Variants in SLC6A11 observed in about 807,000 individuals in gnomAD.
The protein encoded by SLC6A11 is solute carrier family 6 member 11.
In SLC6A11, 25 loss-of-function variants were observed where a neutral mutation model predicts 74.8. That is an observed-to-expected ratio of 0.33 (90% CI 0.24 to 0.47). The LOEUF (loss-of-function observed/expected upper bound fraction) is 0.47. Ranked by LOEUF, SLC6A11 falls within the 20% of genes least tolerant of loss-of-function variation. SLC6A11 has a pLI of 1.00. For missense variants in SLC6A11, 574 were observed against 837.0 expected, an observed-to-expected ratio of 0.69 and a Z score of 3.88; for synonymous variants, 330 against 330.2, an observed-to-expected ratio of 1.00 and a Z score of 0.01.
intron 5 of SLC6A11, among the ~76,000 whole-genome samples, chr3:10,872,155 G>A (rs989466135): frequency 3.3e-5 from 5 of 152,198 alleles, no homozygotes; most frequent in African/African-American, 1.2e-4. Flanking sequence ...GGTTGAATGT[G>A]TGACCCTGGA....
chr3:10,877,705 G>C (rs185530026), intron 6 of SLC6A11, among the ~76,000 whole-genome samples: 17 of 152,280 alleles, frequency 1.1e-4, no homozygotes, highest in Admixed American at 1.1e-3. Context: ...GTGTCAATTA[G>C]TACCACAGGG....
chr3:10,869,042 G>T (rs886168348), intron 5 of SLC6A11, among the ~76,000 whole-genome samples: 3 of 152,204 alleles, frequency 2.0e-5, no homozygotes, highest in South Asian at 2.1e-4. Flanking sequence ...CAGAGTTCCA[G>T]ATCTCAGCCT....
chr3:10,859,313 C>T (rs536466173), intron 5 of SLC6A11, among the ~76,000 whole-genome samples: 1 of 152,288 alleles, frequency 6.6e-6, no homozygotes, highest in Admixed American at 6.5e-5. Flanking sequence ...TGAAGCCCAG[C>T]TTTCTGGCTT....
At chr3:10,929,846 G>C (rs1428509063) in intron 10 of SLC6A11, among the ~76,000 whole-genome samples, 1 of 152,150 alleles carries the variant, frequency 6.6e-6, no homozygotes, top group Non-Finnish European at 1.5e-5. Context: ...TGCTGGGCTT[G>C]CAGGTTAGGA....
At chr3:10,837,842 G>T (rs1187155458) in intron 4 of SLC6A11, among the ~76,000 whole-genome samples, 1 of 152,234 alleles carries the variant, frequency 6.6e-6, no homozygotes, top group Non-Finnish European at 1.5e-5. Context: ...CCCCATAAAT[G>T]TGGAGAGTGC....
At chr3:10,848,539 C>A (rs577166015) in intron 5 of SLC6A11, among the ~76,000 whole-genome samples, 9 of 152,338 alleles carry the variant, frequency 5.9e-5, no homozygotes, top group African/African-American at 2.2e-4. Flanking sequence ...CCCTACACCC[C>A]AGCTTCAGTA....
chr3:10,859,391 T>C (rs1389689840), intron 5 of SLC6A11, among the ~76,000 whole-genome samples: 5 of 152,144 alleles, frequency 3.3e-5, no homozygotes, highest in East Asian at 1.9e-4. Context: ...GTGTTTTGGC[T>C]GGAGTTGAGG....
intron 13 of SLC6A11, among the ~76,000 whole-genome samples, chr3:10,937,176 T>C (rs1296266544): frequency 6.6e-6 from 1 of 152,178 alleles, no homozygotes; most frequent in African/African-American, 2.4e-5. Flanking sequence ...ATCCTTATAC[T>C]AACCCCGGAA....
At chr3:10,843,691 A>G (rs1454753241) in intron 4 of SLC6A11, among the ~76,000 whole-genome samples, 5 of 152,158 alleles carry the variant, frequency 3.3e-5, no homozygotes, top group Non-Finnish European at 7.3e-5. Flanking sequence ...CAGGCTTTTC[A>G]AGGCTCTGTC....
In SLC6A11 at chr3:10,915,347, C is replaced by T. The variant is rs748705672; in HGVS notation, c.996-2982C>T. Among the ~76,000 whole-genome samples the T allele has an allele frequency of 6.6e-6, 1 of 152,198 alleles. No homozygotes were observed. The highest frequency in any genetic ancestry group is 1.5e-5 in the Non-Finnish European group (1 of 68,036). ...AGCAGGCAGGTTTTATTCCATCTCT[C>T]CCATCAGCAGAAGAAAGCAAATCCC... On this transcript the variant is annotated intron_variant, in intron 7 of 13. Transcript: ENST00000254488. The surrounding 1 kb of genome is among the most constrained non-coding windows in gnomAD (Gnocchi z 4.3).
At chr3:10,838,470 G>A (rs2106581920) in intron 4 of SLC6A11, among the ~76,000 whole-genome samples, 1 of 152,352 alleles carries the variant, frequency 6.6e-6, no homozygotes, top group East Asian at 1.9e-4. Flanking sequence ...TCTGGGGGCA[G>A]GGCATGGTTG....
At chr3:10,875,751 T>C (rs1575685537) in intron 6 of SLC6A11, among the ~76,000 whole-genome samples, 1 of 152,328 alleles carries the variant, frequency 6.6e-6, no homozygotes, top group African/African-American at 2.4e-5. Context: ...TCTTAGTGGG[T>C]ACATGGTGGT....
At chr3:10,917,585 G>C (rs1196546178) in intron 7 of SLC6A11, among the ~76,000 whole-genome samples, 2 of 152,152 alleles carry the variant, frequency 1.3e-5, no homozygotes, top group African/African-American at 4.8e-5. Context: ...GGACAGGCCG[G>C]GACTCGAGGG....
intron 4 of SLC6A11, among the ~76,000 whole-genome samples, chr3:10,834,507 T>G (rs1218064115): frequency 6.6e-6 from 1 of 152,054 alleles, no homozygotes; most frequent in Non-Finnish European, 1.5e-5. Flanking sequence ...TTTCAGAAGG[T>G]TTCTTTAGGA....
chr3:10,928,119 T>A lies in SLC6A11; in HGVS notation c.1234-1083T>A, dbSNP rs150475567. Among the ~76,000 whole-genome samples the A allele has an allele frequency of 6.4e-4, 97 of 152,290 alleles. 3 individuals are homozygous for A. In the East Asian group the frequency reaches 0.016, roughly 25 times the overall value. On this transcript the variant is annotated intron_variant, in intron 9 of 13. Coordinates refer to ENST00000254488, the MANE Select transcript of SLC6A11 (RefSeq NM_014229.3). The stretch of plus-strand genomic sequence containing the variant: ...ACCATGTAGAGACTACATAAGTTAA[T>A]GTATGCCAACTGCCTAAAACAGCCT...
chr3:10,849,904 T>G (rs1465936001), intron 5 of SLC6A11, among the ~76,000 whole-genome samples: 1 of 151,038 alleles, frequency 6.6e-6, no homozygotes, highest in African/African-American at 2.4e-5. Flanking sequence ...ATTGGCCAAC[T>G]GTGGTTTTAG....
chr3:10,900,649 TC>T (rs1695229029), intron 6 of SLC6A11, among the ~76,000 whole-genome samples: 1 of 152,224 alleles, frequency 6.6e-6, no homozygotes, highest in Non-Finnish European at 1.5e-5. Flanking sequence ...CCATTTCATT[TC>T]CTGGCTTTGA....
At chr3:10,887,073 A>T (rs1695052736) in intron 6 of SLC6A11, among the ~76,000 whole-genome samples, 1 of 151,798 alleles carries the variant, frequency 6.6e-6, no homozygotes, top group Admixed American at 6.5e-5. Flanking sequence ...GGACAGATGG[A>T]TGGATGGATG....
At chr3:10,855,152 G>T (rs1694623187) in intron 5 of SLC6A11, among the ~76,000 whole-genome samples, 3 of 152,190 alleles carry the variant, frequency 2.0e-5, no homozygotes, top group African/African-American at 7.2e-5. Context: ...TAATGAGGCT[G>T]TGATATGCTT....
Sources: gnomAD v4.1 joint callset for allele counts (sites outside exome capture counted in the v4.1 genomes callset) on GRCh38, gnomAD v4.1.1 for gene constraint, Gnocchi (gnomAD v3.1) non-coding constraint, MANE v1.5 for transcripts, NCBI Gene and HGNC (gene_info 2026-07-23, HGNC 2026-07-21) for gene names.